Variants in RSPRY1 observed in about 807,000 individuals in gnomAD.
The protein encoded by RSPRY1 is ring finger and SPRY domain containing 1.
Under a neutral mutation model 73.1 loss-of-function variants are expected in RSPRY1, and 23 were observed. The observed-to-expected ratio is 0.31, with a 90% confidence interval of 0.23 to 0.45. RSPRY1 has a LOEUF of 0.45. RSPRY1 is among the 20% of genes least tolerant of loss of function. RSPRY1 has a pLI of 1.00. For missense variants in RSPRY1, 448 were observed against 698.7 expected (o/e 0.64, Z 4.05); for synonymous variants, 226 against 251.4 (o/e 0.90, Z 0.95).
chr16:57,197,390 C>G (rs1349011643), intron 1 of RSPRY1, among the ~76,000 whole-genome samples: 1 of 152,154 alleles, frequency 6.6e-6, no homozygotes, highest in Non-Finnish European at 1.5e-5. Context: ...GAGGTAACAG[C>G]TCTTGATTTT....
intron 14 of RSPRY1, 125 bp downstream of exon 14, chr16:57,235,353 G>T: frequency 1.5e-6 from 1 of 663,584 alleles, no homozygotes; most frequent in South Asian, 1.9e-5. Flanking sequence ...GTAGAACCTG[G>T]CTGTCTTCCA....
At chr16:57,226,078 CAAAG>C (rs1238307830) in intron 10 of RSPRY1, among the ~76,000 whole-genome samples, 1 of 151,202 alleles carries the variant, frequency 6.6e-6, no homozygotes, top group Non-Finnish European at 1.5e-5. Context: ...AACTCCATCT[CAAAG>C]AAAAAAAAAG....
At chr16:57,226,666 T>C (rs148891084) in intron 10 of RSPRY1, among the ~76,000 whole-genome samples, 192 of 152,346 alleles carry the variant, frequency 1.3e-3, no homozygotes, top group African/African-American at 4.4e-3. Context: ...GAGGTCACTT[T>C]TGTTGCCATC....
At chr16:57,200,665 ACC>A (rs1369808044) in intron 1 of RSPRY1, among the ~76,000 whole-genome samples, 1 of 25,850 alleles carries the variant, frequency 3.9e-5, no homozygotes, top group Non-Finnish European at 6.9e-5. Context: ...CGGGGGGCTG[ACC>A]CCCCCACCTC....
At chr16:57,230,136 G>A (rs1393458565) in intron 11 of RSPRY1, among the ~76,000 whole-genome samples, 5 of 146,954 alleles carry the variant, frequency 3.4e-5, no homozygotes, top group East Asian at 2.1e-4. Flanking sequence ...TCAGCCTCCC[G>A]AGTAGCTGGG....
At chr16:57,191,255 GGGAAATATAGCA>G (rs1238068362) in intron 1 of RSPRY1, among the ~76,000 whole-genome samples, 1 of 152,130 alleles carries the variant, frequency 6.6e-6, no homozygotes, top group Admixed American at 6.6e-5. Flanking sequence ...CCCTCCACAT[GGGAAATATAGCA>G]CTGTTTGTTT....
intron 2 of RSPRY1, 167 bp downstream of exon 2, chr16:57,205,175 A>G: frequency 1.7e-6 from 1 of 592,248 alleles, no homozygotes; most frequent in South Asian, 2.2e-5. Flanking sequence ...AAATGATAAG[A>G]TTTGATGTTT....
At chr16:57,231,438 G>A in intron 13 of RSPRY1, 119 bp downstream of exon 13, 1 of 961,590 alleles carries the variant, frequency 1.0e-6, no homozygotes, top group Non-Finnish European at 1.5e-6. Flanking sequence ...GAGTAAAATG[G>A]ATGACTTTTC....
At chr16:57,186,633 C>T (rs932549119) in intron 1 of RSPRY1, 182 bp downstream of exon 1, 21 of 152,412 alleles carry the variant, frequency 1.4e-4, no homozygotes, top group Admixed American at 3.3e-4. Flanking sequence ...TTGGTCAGAA[C>T]CTGAGAAACA....
chr16:57,212,624 C>A (rs547697894), intron 4 of RSPRY1, among the ~76,000 whole-genome samples: 16 of 152,090 alleles, frequency 1.1e-4, no homozygotes, highest in African/African-American at 3.4e-4. Context: ...TAGCTCCCCC[C>A]ACCCCCCTGA....
chr16:57,230,649 C>A, intron 11 of RSPRY1, 62 bp from the exon 12 acceptor site: 1 of 911,738 alleles, frequency 1.1e-6, no homozygotes, highest in Non-Finnish European at 1.8e-6. Flanking sequence ...ACTTGAGATG[C>A]TTAGCAAAGA....
intron 2 of RSPRY1, among the ~76,000 whole-genome samples, chr16:57,205,848 C>G (rs930474789): frequency 6.6e-6 from 1 of 152,208 alleles, no homozygotes; most frequent in East Asian, 1.9e-4. Flanking sequence ...ATAAGGCATT[C>G]AGTGTGGAGC....
At chr16:57,218,808 T>A (rs2074986083) in intron 8 of RSPRY1, among the ~76,000 whole-genome samples, 1 of 99,272 alleles carries the variant, frequency 1.0e-5, no homozygotes, top group African/African-American at 4.2e-5. Flanking sequence ...GGATCTCGGC[T>A]CACTGCAAGC....
At chr16:57,197,008 C>G (rs2074458655) in intron 1 of RSPRY1, among the ~76,000 whole-genome samples, 1 of 152,182 alleles carries the variant, frequency 6.6e-6, no homozygotes, top group South Asian at 2.1e-4. Context: ...CTGGGACTTT[C>G]ACCTAGTCTG....
In RSPRY1 at chr16:57,204,866, A is replaced by C. The variant is rs1254523615; in HGVS notation, c.208A>C (p.Thr70Pro). 1 of 1,614,188 alleles carries C rather than the reference A, an allele frequency of 6.2e-7. No homozygotes were observed. Among genetic ancestry groups the C allele is most frequent in the Non-Finnish European group, 8.5e-7 (1 of 1,180,034 alleles). ...ACAGGCCGAGAACAGTGCAGTACCC[A>C]CTGCTGACACAAGGAGCCAACCACG... The part of the protein sequence containing the change: ...QQQAENSAVP[T>P]ADTRSQPRDP... The change falls in exon 2 of 15, where the codon ACT (threonine) becomes CCT (proline). Residue 70 changes from threonine (T) to proline (P), a missense_variant. By Grantham distance (38) the Thr-to-Pro change is conservative (BLOSUM62 -1). Coordinates refer to ENST00000394420, the MANE Select transcript of RSPRY1 (RefSeq NM_133368.3).
intron 6 of RSPRY1, among the ~76,000 whole-genome samples, chr16:57,214,614 A>G (rs1204934669): frequency 6.6e-6 from 1 of 152,260 alleles, no homozygotes; most frequent in Non-Finnish European, 1.5e-5. Flanking sequence ...TGGGGATACA[A>G]CATGGCAGTC....
chr16:57,186,644 G>A (rs2074194359), intron 1 of RSPRY1, 193 bp downstream of exon 1: 1 of 152,482 alleles, frequency 6.6e-6, no homozygotes, highest in South Asian at 2.1e-4. Context: ...CTGAGAAACA[G>A]CCGAGAGGTT....
chr16:57,209,265 G>A, intron 4 of RSPRY1, 78 bp downstream of exon 4: 3 of 933,602 alleles, frequency 3.2e-6, no homozygotes, highest in South Asian at 1.5e-5. Flanking sequence ...AACATTTGAT[G>A]TATTGTGTTT....
At chr16:57,206,428 AT>A (rs1425132473) in intron 2 of RSPRY1, among the ~76,000 whole-genome samples, 2 of 152,192 alleles carry the variant, frequency 1.3e-5, no homozygotes, top group Non-Finnish European at 2.9e-5. Context: ...ATCAAAAAAA[AT>A]TTTTTAAATC....
Sources: allele counts gnomAD v4.1 joint callset (sites outside exome capture counted in the v4.1 genomes callset), GRCh38; gene constraint gnomAD v4.1.1; transcripts MANE v1.5; gene names NCBI Gene and HGNC (gene_info 2026-07-23, HGNC 2026-07-21).